Variants in RNLS observed in about 807,000 individuals in gnomAD.
RNLS encodes renalase, FAD dependent amine oxidase.
A neutral mutation model predicts 39.8 loss-of-function variants in RNLS; 39 were observed. The ratio of observed to expected loss-of-function variants is 0.98; its 90% CI spans 0.76 to 1.28. The LOEUF is 1.28. RNLS is among the 50% of genes most tolerant of loss of function. The pLI is 0.00. For missense variants in RNLS, 410 were observed against 413.3 expected, an observed-to-expected ratio of 0.99 and a Z score of 0.07; for synonymous variants, 147 against 150.7, an observed-to-expected ratio of 0.98 and a Z score of 0.18.
chr10:88,557,880 T>C (rs1848958367), intron 4 of RNLS, among the ~76,000 whole-genome samples: 1 of 152,186 alleles, frequency 6.6e-6, no homozygotes, highest in Non-Finnish European at 1.5e-5. Context: ...AAATTATAGC[T>C]CTCTGCTCTT....
Position 88,362,724 on chromosome 10 carries a change from T to TCACTAATTC in RNLS, c.527_528insGAATTAGTG (p.Leu176_Ile177insAsnTer). 1 of 1,609,796 alleles carries TCACTAATTC rather than the reference T, an allele frequency of 6.2e-7. No homozygotes were observed. The highest frequency in any genetic ancestry group is 8.5e-7 in the Non-Finnish European group (1 of 1,178,562). On this transcript the variant is annotated stop_gained and inframe_insertion and splice_region_variant, in exon 5 of 7. Coordinates refer to ENST00000331772, the MANE Select transcript of RNLS (RefSeq NM_001031709.3). LOFTEE classifies it high-confidence loss of function. ...GTTGCTGCCTTTGGCATTCACTAAT[T>TCACTAATTC]ACTGTGGAAGAAAAAATAAAAGGCA...
At chr10:88,251,285 C>A in the RNLS span, among the ~76,000 whole-genome samples, 2 of 152,210 alleles carry the variant, frequency 1.3e-5, no homozygotes, top group Non-Finnish European at 2.9e-5. Context: ...ATCCTGCACA[C>A]AATGCCTGGC....
chr10:88,399,791 C>T (rs950867019), intron 4 of RNLS, among the ~76,000 whole-genome samples: 5 of 151,938 alleles, frequency 3.3e-5, no homozygotes, highest in African/African-American at 4.8e-5. Flanking sequence ...GGTATTAGCT[C>T]CCTGTGGTTG....
chr10:88,463,725 TTC>T (rs1283272773), intron 4 of RNLS, among the ~76,000 whole-genome samples: 1 of 152,080 alleles, frequency 6.6e-6, no homozygotes, highest in Non-Finnish European at 1.5e-5. Flanking sequence ...AATAATTTTT[TTC>T]AATGTTAACT....
At chr10:88,546,133 T>C (rs1293076791) in intron 4 of RNLS, among the ~76,000 whole-genome samples, 3 of 152,084 alleles carry the variant, frequency 2.0e-5, no homozygotes, top group Non-Finnish European at 2.9e-5. Flanking sequence ...ACATTTTTAA[T>C]GGCAGAAAAA....
intron 4 of RNLS, among the ~76,000 whole-genome samples, chr10:88,373,486 T>C (rs1438310813): frequency 3.9e-5 from 6 of 152,178 alleles, no homozygotes; most frequent in Admixed American, 1.3e-4. Context: ...CTTCATCTTG[T>C]GGAAGCCTAC....
At chr10:88,339,816 CACTT>C (rs2133213276) in intron 5 of RNLS, among the ~76,000 whole-genome samples, 1 of 152,276 alleles carries the variant, frequency 6.6e-6, no homozygotes, top group South Asian at 2.1e-4. Flanking sequence ...GGATGAGACA[CACTT>C]AGCACACACA....
rs1395056788 is a variant in RNLS, at chr10:88,363,250, G to A, written c.527-525C>T. Among the ~76,000 whole-genome samples the A allele has an allele frequency of 2.6e-5, 4 of 152,000 alleles. No homozygotes were observed. The East Asian group carries it at 5.8e-4, about 22-fold the overall frequency. Reference sequence around the variant, plus strand: ...ACACACTGGGGTCTGTTGGGGATGGGGGCATTGGGGAGGGACAGCATCAGG... The same window carrying A: ...ACACACTGGGGTCTGTTGGGGATGGAGGCATTGGGGAGGGACAGCATCAGG... On this transcript the variant is annotated intron_variant, in intron 4 of 6. Coordinates refer to ENST00000331772, the MANE Select transcript of RNLS (RefSeq NM_001031709.3).
chr10:88,264,530 G>T, the RNLS span, among the ~76,000 whole-genome samples: 7 of 152,090 alleles, frequency 4.6e-5, no homozygotes, highest in Non-Finnish European at 8.8e-5. Context: ...GAGTAAGGTG[G>T]TATCACATTG....
chr10:88,226,614 T>C, the RNLS span, among the ~76,000 whole-genome samples: 1 of 152,156 alleles, frequency 6.6e-6, no homozygotes, highest in African/African-American at 2.4e-5. Context: ...TTATAATCAA[T>C]TCAATGTCTG....
At chr10:88,445,919 A>C (rs1413533368) in intron 4 of RNLS, among the ~76,000 whole-genome samples, 1 of 152,234 alleles carries the variant, frequency 6.6e-6, no homozygotes, top group Non-Finnish European at 1.5e-5. Flanking sequence ...ACAGAAAGTT[A>C]ATAAGGATAT....
intron 4 of RNLS, among the ~76,000 whole-genome samples, chr10:88,469,982 TTATA>T (rs1843428892): frequency 6.6e-6 from 1 of 151,838 alleles, no homozygotes; most frequent in East Asian, 1.9e-4. Context: ...TCATATATAT[TTATA>T]TATAGTCTGT....
chr10:88,353,564 T>A (rs896740041), intron 5 of RNLS, among the ~76,000 whole-genome samples: 1 of 152,260 alleles, frequency 6.6e-6, no homozygotes, highest in African/African-American at 2.4e-5. Flanking sequence ...GATTGCACTG[T>A]CGTCTCAGAG....
At chr10:88,453,926 T>A (rs1564811893) in intron 4 of RNLS, among the ~76,000 whole-genome samples, 1 of 152,250 alleles carries the variant, frequency 6.6e-6, no homozygotes, top group Non-Finnish European at 1.5e-5. Context: ...GTTGAATATT[T>A]GTGGAATTAA....
At chr10:88,392,570 G>C (rs781238777) in intron 4 of RNLS, among the ~76,000 whole-genome samples, 2 of 152,186 alleles carry the variant, frequency 1.3e-5, no homozygotes, top group African/African-American at 2.4e-5. Context: ...CACTAAGTCA[G>C]CTATCAGAGA....
intron 4 of RNLS, among the ~76,000 whole-genome samples, chr10:88,417,029 C>T (rs1854070611): frequency 6.6e-6 from 1 of 152,234 alleles, no homozygotes; most frequent in Non-Finnish European, 1.5e-5. Flanking sequence ...AATTCTTTCA[C>T]AGATTTCCCT....
chr10:88,578,121 C>T (rs1850317279), intron 3 of RNLS, among the ~76,000 whole-genome samples: 1 of 152,122 alleles, frequency 6.6e-6, no homozygotes. Context: ...TAACATTTTT[C>T]AAGAGATTAC....
chr10:88,316,229 G>C (rs1020999447), intron 5 of RNLS, among the ~76,000 whole-genome samples: 2 of 152,202 alleles, frequency 1.3e-5, no homozygotes, highest in Non-Finnish European at 2.9e-5. Flanking sequence ...CAACTTGAAA[G>C]AGGAAATAGA....
chr10:88,459,472 T>C (rs1842822780), intron 4 of RNLS, among the ~76,000 whole-genome samples: 1 of 152,160 alleles, frequency 6.6e-6, no homozygotes. Flanking sequence ...GTTTGCTCTT[T>C]TTGTCTGTTT....
Sources: gnomAD v4.1 joint callset for allele counts (sites outside exome capture counted in the v4.1 genomes callset) on GRCh38, gnomAD v4.1.1 for gene constraint, MANE v1.5 for transcripts, NCBI Gene and HGNC (gene_info 2026-07-23, HGNC 2026-07-21) for gene names.